FLVCR1: variants seen among roughly 807,000 people sequenced by gnomAD.
FLVCR1 encodes FLVCR choline and heme transporter 1.
Under a neutral mutation model 53.6 loss-of-function variants are expected in FLVCR1, and 34 were observed. The ratio of observed to expected loss-of-function variants is 0.63; its 90% CI spans 0.48 to 0.84. FLVCR1 has a LOEUF of 0.84. FLVCR1 is among the 40% of genes least tolerant of loss of function. The pLI is 0.00. For synonymous variants in FLVCR1, 300 were observed against 286.3 expected, an observed-to-expected ratio of 1.05 and a Z score of -0.48; for missense variants, 677 against 696.7, an observed-to-expected ratio of 0.97 and a Z score of 0.32.
chr1:212,864,980 G>C (rs2792560), intron 2 of FLVCR1, among the ~76,000 whole-genome samples: 124,035 of 152,024 alleles, frequency 0.82, 50,718 homozygotes, highest in East Asian at 1. Flanking sequence ...TCAAACATGT[G>C]TAATCCACTT....
intron 8 of FLVCR1, among the ~76,000 whole-genome samples, chr1:212,889,836 G>A (rs1445437325): frequency 1.3e-5 from 2 of 151,924 alleles, no homozygotes; most frequent in Non-Finnish European, 2.9e-5. Context: ...TGCTCAGTGG[G>A]AGTGTGACTT....
chr1:212,874,879 C>T (rs1351120043), intron 3 of FLVCR1, among the ~76,000 whole-genome samples: 2 of 151,468 alleles, frequency 1.3e-5, no homozygotes, highest in African/African-American at 4.8e-5. Flanking sequence ...ACAAAATTCT[C>T]TTTCAGCCAC....
chr1:212,864,422 C>G (rs1363982710), intron 2 of FLVCR1: 1 of 158,376 alleles, frequency 6.3e-6, no homozygotes, highest in Non-Finnish European at 1.4e-5. Context: ...GCTGCCACCA[C>G]TCGTCACTGA....
chr1:212,869,279 G>A (rs1474868145), intron 2 of FLVCR1, among the ~76,000 whole-genome samples: 1 of 152,140 alleles, frequency 6.6e-6, no homozygotes, highest in African/African-American at 2.4e-5. Flanking sequence ...ACAATAGAAA[G>A]CTATTATTTT....
intron 3 of FLVCR1, among the ~76,000 whole-genome samples, chr1:212,879,376 C>G (rs1344803781): frequency 6.6e-6 from 1 of 152,068 alleles, no homozygotes; most frequent in Non-Finnish European, 1.5e-5. Flanking sequence ...AGACATGTCC[C>G]TGTCCCCCTC....
chr1:212,863,357 C>T lies in FLVCR1; in HGVS notation c.739-368C>T, dbSNP rs553486115. On this transcript the variant is annotated intron_variant, in intron 1 of 9. Transcript: ENST00000366971. The stretch of plus-strand genomic sequence containing the variant: ...CTGTAATCCCAGCACTTTGGGAGGC[C>T]GAGGCGGGCGGATCATGAGGTCAGG... Among the ~76,000 whole-genome samples the T allele has an allele frequency of 2.9e-4, 44 of 152,082 alleles. No individual in the cohort carries two copies. In the South Asian group the frequency reaches 5.6e-3, roughly 19 times the overall value.
At chr1:212,891,228 G>A (rs147565330) in intron 8 of FLVCR1, among the ~76,000 whole-genome samples, 5 of 152,088 alleles carry the variant, frequency 3.3e-5, no homozygotes, top group Non-Finnish European at 7.4e-5. Flanking sequence ...GACCAACATA[G>A]TGAAACCGTG....
chr1:212,892,644 C>G (rs4951470), intron 8 of FLVCR1, among the ~76,000 whole-genome samples: 26,779 of 152,172 alleles, frequency 0.18, 3,474 homozygotes, highest in East Asian at 0.44. Context: ...GCTTTCATGT[C>G]TGGAAACACA....
chr1:212,885,550 C>CTTTTT (rs539282150), intron 5 of FLVCR1, 154 bp downstream of exon 5: 11,867 of 291,844 alleles, frequency 0.041, 44 homozygotes, highest in South Asian at 0.065. Flanking sequence ...ACAAGTGTTT[C>CTTTTT]TTTTTTTTTT....
At chr1:212,866,720 A>G (rs1664444082) in intron 2 of FLVCR1, among the ~76,000 whole-genome samples, 1 of 152,192 alleles carries the variant, frequency 6.6e-6, no homozygotes, top group Non-Finnish European at 1.5e-5. Context: ...TTAACTAATT[A>G]TGTACTCATG....
At chr1:212,884,198 C>T (rs1295052527) in intron 4 of FLVCR1, among the ~76,000 whole-genome samples, 1 of 152,060 alleles carries the variant, frequency 6.6e-6, no homozygotes, top group Non-Finnish European at 1.5e-5. Flanking sequence ...ATTCGGGAGG[C>T]TGAGGCAGGA....
chr1:212,886,980 AC>A (rs1665081566), intron 5 of FLVCR1, among the ~76,000 whole-genome samples: 1 of 152,066 alleles, frequency 6.6e-6, no homozygotes, highest in Non-Finnish European at 1.5e-5. Context: ...GCCAAAACTT[AC>A]CCCTGTACTT....
At chr1:212,876,333 A>G (rs773460255) in intron 3 of FLVCR1, among the ~76,000 whole-genome samples, 1 of 150,472 alleles carries the variant, frequency 6.6e-6, no homozygotes, top group East Asian at 2.0e-4. Flanking sequence ...AACTGCTTCC[A>G]GCTCCATCCA....
At position 212,886,042 on chromosome 1, in the gene FLVCR1, C is replaced by CTTTTTTTTTTT. The variant is rs5780703; in HGVS notation, c.1196+654_1196+664dup. Among the ~76,000 whole-genome samples, 5 of 121,166 alleles carry CTTTTTTTTTTT rather than the reference C, an allele frequency of 4.1e-5. 1 individual carries two copies. The highest frequency in any genetic ancestry group is 9.7e-5 in the African/African-American group (3 of 30,978). The allele number at this position is 121,166 out of a possible 152,430, so 79.5% of individuals were successfully genotyped here. ...GACTTTTGATAGACTTTATCTTGTT[C>CTTTTTTTTTTT]TTTTTTTTTTTTTTTTTTAGGTGGG... is the stretch of plus-strand genomic sequence containing the variant. On this transcript the variant is annotated intron_variant, in intron 5 of 9. Transcript: ENST00000366971.
In FLVCR1 at chr1:212,858,723, C is replaced by T. The variant is rs1664115565; in HGVS notation, c.271C>T (p.Pro91Ser). ...LLPAGAGAETPGAESSPLPLT... is the reference protein window; with the variant it reads ...LLPAGAGAETSGAESSPLPLT... Reference sequence around the variant, plus strand: ...GCCTGCGGGCGCGGGAGCTGAGACCCCGGGGGCCGAGAGCAGCCCGCTGCC... The same window carrying T: ...GCCTGCGGGCGCGGGAGCTGAGACCTCGGGGGCCGAGAGCAGCCCGCTGCC... Residue 91 changes from proline to serine, a missense_variant, in exon 1 of 10, where the codon CCG (proline) becomes TCG (serine). Coordinates refer to ENST00000366971, the MANE Select transcript of FLVCR1 (RefSeq NM_014053.4). 1 of 1,607,238 alleles carries T rather than the reference C, an allele frequency of 6.2e-7. No individual in the cohort carries two copies. Among genetic ancestry groups the T allele is most frequent in the Non-Finnish European group, 8.5e-7 (1 of 1,177,986 alleles).
Position 212,895,352 on chromosome 1 carries a change from G to A in FLVCR1, c.*62G>A. Reference sequence around the variant, plus strand: ...GACAATGTGATCATCCTTGGAGAGAGATGTGAGCACCAAGGCTGGGTTTGT... The same window carrying A: ...GACAATGTGATCATCCTTGGAGAGAAATGTGAGCACCAAGGCTGGGTTTGT... On this transcript the variant is annotated 3_prime_UTR_variant, in exon 10 of 10. Transcript: ENST00000366971. 2.4e-6 allele frequency: 3 copies of A among 1,264,364 alleles called. No homozygotes were observed. The highest frequency in any genetic ancestry group is 3.5e-6 in the Non-Finnish European group (3 of 860,840). The allele number at this position is 1,264,364 out of a possible 1,614,324, so 78.3% of individuals were successfully genotyped here. A position where few individuals can be genotyped will look rare whatever the true frequency, so the allele number is the denominator to read the frequency against.
chr1:212,862,903 T>C (rs1022343617), intron 1 of FLVCR1, among the ~76,000 whole-genome samples: 10 of 152,254 alleles, frequency 6.6e-5, no homozygotes, highest in Admixed American at 6.5e-4. Context: ...TGGTATCTTA[T>C]GGTTTTGATT....
At chr1:212,870,510 A>G (rs554530421) in intron 2 of FLVCR1, among the ~76,000 whole-genome samples, 1 of 152,290 alleles carries the variant, frequency 6.6e-6, no homozygotes, top group African/African-American at 2.4e-5. Context: ...TAGAATCTCA[A>G]AATCTGTATT....
In FLVCR1 at chr1:212,890,735, G is replaced by A. The variant is rs148435712; in HGVS notation, c.1525+1478G>A. Reference sequence around the variant, plus strand: ...GGAGGATCTGGTTATAACTTAGTTGGAGAATCTATCAGAAGGATGTGAATC... The same window carrying A: ...GGAGGATCTGGTTATAACTTAGTTGAAGAATCTATCAGAAGGATGTGAATC... On this transcript the variant is annotated intron_variant, in intron 8 of 9. Transcript: ENST00000366971. 5.2e-3 allele frequency among the ~76,000 whole-genome samples: 797 copies of A among 152,296 alleles called. 5 individuals are homozygous for A. The highest frequency in any genetic ancestry group is 0.018 in the African/African-American group (734 of 41,570).
Sources: gnomAD v4.1 joint callset for allele counts (sites outside exome capture counted in the v4.1 genomes callset) on GRCh38, gnomAD v4.1.1 for gene constraint, MANE v1.5 for transcripts, NCBI Gene and HGNC (gene_info 2026-07-23, HGNC 2026-07-21) for gene names.